Variants in TPP1 observed in about 807,000 individuals in gnomAD.
TPP1 encodes the protein tripeptidyl-peptidase 1.
In TPP1, 43 loss-of-function variants were observed where a neutral mutation model predicts 67.6. The observed-to-expected ratio is 0.64, with a 90% CI of 0.50 to 0.82. TPP1 has a LOEUF of 0.82. Ranked by LOEUF, TPP1 falls within the 40% of genes least tolerant of loss-of-function variation. The pLI, the probability that TPP1 is intolerant of heterozygous loss-of-function variation, is 0.00. For synonymous variants in TPP1, 272 were observed against 281.5 expected (o/e 0.97, Z 0.34); for missense variants, 671 against 710.9 (o/e 0.94, Z 0.64).
Position 6,618,771 on chromosome 11 carries a change from G to A in TPP1, c.229+5C>T. 2 of 1,613,650 alleles carry A rather than the reference G, an allele frequency of 1.2e-6. No individual in the cohort carries two copies. Among genetic ancestry groups the A allele is most frequent in the African/African-American group, 1.3e-5 (1 of 75,028 alleles). ...CCACATCCTGTCCTCAGTCCCAAAA[G>A]GCACCGTATTGAGGAGAGCTGGGAT... On this transcript the variant is annotated splice_donor_5th_base_variant and intron_variant, in intron 3 of 12. Coordinates refer to ENST00000299427, the MANE Select transcript of TPP1 (RefSeq NM_000391.4).
chr11:6,618,359 G>T, intron 3 of TPP1: 1 of 386,338 alleles, frequency 2.6e-6, no homozygotes, highest in Non-Finnish European at 4.8e-6. Context: ...TGAGGGGTGG[G>T]GTGGAGGGAG....
Position 6,616,355 on chromosome 11 carries a change from C to T in TPP1, c.1035G>A (p.Met345Ile), listed in dbSNP as rs760406360. The change falls in exon 8 of 13, where the codon ATG (methionine) becomes ATA (isoleucine). Residue 345 changes from methionine to isoleucine, a missense_variant. Physicochemically the swap from Met to Ile is conservative, Grantham distance 10. Coordinates refer to ENST00000299427, the MANE Select transcript of TPP1 (RefSeq NM_000391.4). ...AYIQRVNTEL[M>I]KAAARGLTLL... ...GGGTGAGACCCCGAGCGGCAGCCTT[C>T]ATGAGCTCAGTGTTGACCCGCTGGA... 5.0e-6 allele frequency: 8 copies of T among 1,613,646 alleles called. No homozygotes were observed. In the Admixed American group the frequency reaches 1.3e-4, roughly 27 times the overall value.
Position 6,614,475 on chromosome 11 carries a change from C to T in TPP1, c.*71G>A, listed in dbSNP as rs140680586. On this transcript the variant is annotated 3_prime_UTR_variant, in exon 13 of 13. Coordinates refer to ENST00000299427, the MANE Select transcript of TPP1 (RefSeq NM_000391.4). Reference sequence around the variant, plus strand: ...GTTGAGGGTTCAGCAGGGCTTCCAACAGGGCAGAATAAGGGACTGAACTGC... The same window carrying T: ...GTTGAGGGTTCAGCAGGGCTTCCAATAGGGCAGAATAAGGGACTGAACTGC... 3,490 of 1,605,960 alleles carry T rather than the reference C, an allele frequency of 2.2e-3. 55 individuals are homozygous for T. The African/African-American group carries it at 0.038, about 18-fold the overall frequency.
Position 6,619,411 on chromosome 11 carries a change from C to G in TPP1, c.-11G>C. ...GGCTTGGAGTCCCATTCTGCCCTTC[C>G]GCGGATCTGCTGTCATGTGACGGAT... On this transcript the variant is annotated 5_prime_UTR_variant, in exon 1 of 13. Coordinates refer to ENST00000299427, the MANE Select transcript of TPP1 (RefSeq NM_000391.4). 6.2e-7 allele frequency: 1 copy of G among 1,614,212 alleles called. No individual in the cohort carries two copies. Among genetic ancestry groups the G allele is most frequent in the Non-Finnish European group, 8.5e-7 (1 of 1,180,020 alleles).
intron 2 of TPP1, 125 bp from the exon 3 acceptor site, chr11:6,619,040 T>C: frequency 6.7e-7 from 1 of 1,486,850 alleles, no homozygotes; most frequent in Non-Finnish European, 9.3e-7. Context: ...ACAGATCACA[T>C]GAGGTGAATG....
intron 9 of TPP1, chr11:6,615,801 A>T: frequency 1.3e-6 from 1 of 786,532 alleles, no homozygotes; most frequent in South Asian, 1.6e-5. Context: ...ACTGACGAAA[A>T]GGAACAATGG....
Position 6,613,385 on chromosome 11 carries a change from T to G in TPP1, c.*1161A>C, listed in dbSNP as rs1184295836. 1 of 152,098 alleles carries G rather than the reference T, an allele frequency of 6.6e-6. No homozygotes were observed. Among genetic ancestry groups the G allele is most frequent in the Non-Finnish European group, 1.5e-5 (1 of 68,018 alleles). The allele number at this position is 152,098 out of a possible 1,614,324, so 9.4% of individuals were successfully genotyped here. A position where few individuals can be genotyped will look rare whatever the true frequency, so the allele number is the denominator to read the frequency against. On this transcript the variant is annotated 3_prime_UTR_variant, in exon 13 of 13. Transcript: ENST00000299427. ...GGAGGAGGAAAAATGATTTTTTACTTAAGAACAAATAGCAAGGAAGGTTTG... is the reference window on the plus strand; with the variant it reads ...GGAGGAGGAAAAATGATTTTTTACTGAAGAACAAATAGCAAGGAAGGTTTG...
chr11:6,618,729 T>G (rs751011059), intron 3 of TPP1, 47 bp downstream of exon 3: 1 of 1,610,758 alleles, frequency 6.2e-7, no homozygotes, highest in Admixed American at 1.7e-5. Flanking sequence ...CCCAGCCCTG[T>G]GTCCCTCCAC....
chr11:6,616,063 C>A lies in TPP1; in HGVS notation c.1087G>T (p.Ala363Ser), dbSNP rs1372879804. The A allele has an allele frequency of 6.2e-7, 1 of 1,614,038 alleles. No individual in the cohort carries two copies. Among genetic ancestry groups the A allele is most frequent in the Non-Finnish European group, 8.5e-7 (1 of 1,180,026 alleles). Reference sequence around the variant, plus strand: ...CTTCCAGAGACAGACCAACACCCGGCCCCACTGTCACCTGAGAGAGACCAA... The same window carrying A: ...CTTCCAGAGACAGACCAACACCCGGACCCACTGTCACCTGAGAGAGACCAA... Reference protein sequence around the residue: ...TLLFASGDSGAGCWSVSGRHQ... With the variant: ...TLLFASGDSGSGCWSVSGRHQ... The change falls in exon 9 of 13, where the codon GCC becomes TCC. Residue 363 changes from alanine (A) to serine (S), a missense_variant. Transcript: ENST00000299427.
Position 6,617,593 on chromosome 11 carries a change from G to A in TPP1, c.380+33C>T, listed in dbSNP as rs1296201207. 4.3e-6 allele frequency: 7 copies of A among 1,613,932 alleles called. No individual in the cohort carries two copies. In the Admixed American group the frequency reaches 6.7e-5, roughly 15 times the overall value. On this transcript the variant is annotated intron_variant, in intron 4 of 12. Coordinates refer to ENST00000299427, the MANE Select transcript of TPP1 (RefSeq NM_000391.4). ...CATCCATCTCACTGATGGGATGACT[G>A]GTGCCCTCCATGGAGCAATCATTTC...
intron 9 of TPP1, 165 bp downstream of exon 9, chr11:6,615,840 G>T: frequency 3.5e-6 from 3 of 856,688 alleles, no homozygotes; most frequent in Non-Finnish European, 5.7e-6. Context: ...GAGATTTGGG[G>T]CCTGGGACCT....
In TPP1 at chr11:6,617,133, G is replaced by T. The variant is rs761591327; in HGVS notation, c.529C>A (p.Pro177Thr). The change falls in exon 6 of 13, where the codon CCC becomes ACC. Residue 177 changes from proline to threonine, a missense_variant. Transcript: ENST00000299427. ...VDFVGGLHRF[P>T]PTSSLRQRPE... is the part of the protein sequence containing the mutation. ...CGTTGCCTCAGGGATGATGTTGGGG[G>T]AAAACGGTGCAGTCCCCCCACTGTA... 3 of 1,614,114 alleles carry T rather than the reference G, an allele frequency of 1.9e-6. No individual in the cohort carries two copies. In the South Asian group the frequency reaches 3.3e-5, roughly 18 times the overall value.
In TPP1 at chr11:6,617,259, G is replaced by A. The variant is rs544141660; in HGVS notation, c.508+42C>T. ...TGGCATCTAAACTTCCTCAGCCCCT[G>A]GATCTGTGTGCCCCAACCCCCATTC... On this transcript the variant is annotated intron_variant, in intron 5 of 12. Coordinates refer to ENST00000299427, the MANE Select transcript of TPP1 (RefSeq NM_000391.4). The A allele has an allele frequency of 2.5e-6, 4 of 1,613,828 alleles. No homozygotes were observed. The East Asian group carries it at 8.9e-5, about 36-fold the overall frequency.
chr11:6,617,409 G>C lies in TPP1; in HGVS notation c.400C>G (p.Pro134Ala). 1 of 1,614,034 alleles carries C rather than the reference G, an allele frequency of 6.2e-7. No homozygotes were observed. Among genetic ancestry groups the C allele is most frequent in the Non-Finnish European group, 8.5e-7 (1 of 1,179,998 alleles). Reference sequence around the variant, plus strand: ...ACATAGTGATGAAACTCAGCCCCAGGGAGCAGCAGCTCTGCTTGTCTGGAG... The same window carrying C: ...ACATAGTGATGAAACTCAGCCCCAGCGAGCAGCAGCTCTGCTTGTCTGGAG... ...LSIRQAELLL[P>A]GAEFHHYVGG... Residue 134 changes from proline to alanine, a missense_variant, in exon 5 of 13, where the codon CCT (proline) becomes GCT (alanine). Coordinates refer to ENST00000299427, the MANE Select transcript of TPP1 (RefSeq NM_000391.4).
intron 10 of TPP1, 45 bp downstream of exon 10, chr11:6,615,397 C>T (rs762276546): frequency 6.2e-7 from 1 of 1,614,124 alleles, no homozygotes; most frequent in Non-Finnish European, 8.5e-7. Flanking sequence ...TGAGGATCCC[C>T]CATCCTCACT....
intron 3 of TPP1, 112 bp from the exon 4 acceptor site, chr11:6,617,888 G>A: frequency 6.8e-7 from 1 of 1,460,392 alleles, no homozygotes; most frequent in Non-Finnish European, 9.5e-7. Flanking sequence ...ACAGGGTAAA[G>A]GAGGGCTATG....
rs1855521048 is a variant in TPP1 at position 6,613,040 on chromosome 11, C to CTG, written c.*1504_*1505dup. ...TATCAACATTATTCCACTTTATTCC[C>CTG]TGGTGATTATGAAAGGCAGGTATTG... On this transcript the variant is annotated 3_prime_UTR_variant, in exon 13 of 13. Transcript: ENST00000299427. 6.6e-6 allele frequency: 1 copy of CTG among 152,524 alleles called. No individual in the cohort carries two copies. Among genetic ancestry groups the CTG allele is most frequent in the Admixed American group, 6.5e-5 (1 of 15,280 alleles). 9.4% of individuals were successfully genotyped at this position (152,524 alleles called of 1,614,324 possible).
Position 6,615,195 on chromosome 11 carries a change from G to C in TPP1, c.1401C>G (p.Pro467=), listed in dbSNP as rs2134591574. 1.2e-6 allele frequency: 2 copies of C among 1,614,184 alleles called. No individual in the cohort carries two copies. Among genetic ancestry groups the C allele is most frequent in the East Asian group, 2.2e-5 (1 of 44,884 alleles). Residue 467 remains proline, a synonymous_variant, in exon 11 of 13, where the codon CCC becomes CCG. Transcript: ENST00000299427. ...CCGAGGTTCCGGACACCCATGGAAT[G>C]GGCACTCTGTTGCTGACCACCCAGT... The part of the protein sequence containing the change: ...DGYWVVSNRV[P]IPWVSGTSAS...
chr11:6,616,238 C>T, intron 8 of TPP1, 77 bp downstream of exon 8: 1 of 1,605,598 alleles, frequency 6.2e-7, no homozygotes, highest in Non-Finnish European at 8.5e-7. Flanking sequence ...AGAGACCAGG[C>T]TCAGGGATCA....
Sources: gnomAD v4.1 joint callset for allele counts on GRCh38, gnomAD v4.1.1 for gene constraint, MANE v1.5 for transcripts, NCBI Gene and HGNC (gene_info 2026-07-23, HGNC 2026-07-21) for gene names.